The following KCNH5 variants were observed in gnomAD, a reference collection of about 807,000 sequenced individuals.
KCNH5 encodes the protein voltage-gated delayed rectifier potassium channel KCNH5.
KCNH5 carries 46 observed loss-of-function variants against 96.1 expected under a neutral mutation model. The ratio of observed to expected loss-of-function variants is 0.48; its 90% CI spans 0.38 to 0.61. KCNH5 has a LOEUF of 0.61. Ranked by LOEUF, KCNH5 falls within the 20% of genes least tolerant of loss-of-function variation. The pLI, the probability that KCNH5 is intolerant of heterozygous loss-of-function variation, is 0.00. For synonymous variants in KCNH5, 439 were observed against 449.8 expected, an observed-to-expected ratio of 0.98 and a Z score of 0.30; for missense variants, 907 against 1,225.8, an observed-to-expected ratio of 0.74 and a Z score of 3.88.
Position 62,700,716 on chromosome 14 carries a change from A to G in KCNH5, c.*6792T>C, listed in dbSNP as rs928348576. On this transcript the variant is annotated 3_prime_UTR_variant, in exon 11 of 11. Transcript: ENST00000322893. ...ATGAATCTTTGTTGTGATTTTGCAT[A>G]GTTTACTAGCTAGGTATTCTTCCTG... is the stretch of plus-strand genomic sequence containing the variant. 3.9e-5 allele frequency: 6 copies of G among 152,188 alleles called. No individual in the cohort carries two copies. Among genetic ancestry groups the G allele is most frequent in the Non-Finnish European group, 8.8e-5 (6 of 68,024 alleles). The allele number at this position is 152,188 out of a possible 1,614,324, so 9.4% of individuals were successfully genotyped here. A position where few individuals can be genotyped will look rare whatever the true frequency, so the allele number is the denominator to read the frequency against.
intron 9 of KCNH5, among the ~76,000 whole-genome samples, chr14:62,792,824 T>C (rs1886461109): frequency 2.0e-5 from 3 of 151,614 alleles, no homozygotes; most frequent in Admixed American, 6.6e-5. Flanking sequence ...GAAATCAAAA[T>C]CTCAAAGAGA....
chr14:62,849,571 A>G, intron 8 of KCNH5, 82 bp downstream of exon 8: 1 of 1,072,912 alleles, frequency 9.3e-7, no homozygotes, highest in South Asian at 1.3e-5. Flanking sequence ...CAATTATACA[A>G]GCAATACGTG....
chr14:62,857,898 T>C (rs562620436), intron 7 of KCNH5, among the ~76,000 whole-genome samples: 1 of 152,234 alleles, frequency 6.6e-6, no homozygotes, highest in South Asian at 2.1e-4. Flanking sequence ...TGAACCCATA[T>C]ACATCTCCTG....
intron 9 of KCNH5, among the ~76,000 whole-genome samples, chr14:62,782,954 A>AT (rs1318793481): frequency 6.6e-6 from 1 of 152,230 alleles, no homozygotes; most frequent in Non-Finnish European, 1.5e-5. Flanking sequence ...AATTATAGGC[A>AT]TTTATTCTAA....
At chr14:62,966,232 T>TG (rs1890303042) in intron 6 of KCNH5, among the ~76,000 whole-genome samples, 1 of 152,196 alleles carries the variant, frequency 6.6e-6, no homozygotes, top group African/African-American at 2.4e-5. Flanking sequence ...TCTGCAATAC[T>TG]GATCAACTAA....
At chr14:62,923,375 T>C (rs1889414646) in intron 7 of KCNH5, among the ~76,000 whole-genome samples, 1 of 151,930 alleles carries the variant, frequency 6.6e-6, no homozygotes, top group South Asian at 2.1e-4. Context: ...AGAATTAATA[T>C]TGTCAAAATA....
At chr14:63,008,036 T>TGATCG (rs1270509644) in intron 2 of KCNH5, among the ~76,000 whole-genome samples, 5 of 152,174 alleles carry the variant, frequency 3.3e-5, no homozygotes, top group African/African-American at 1.2e-4. Flanking sequence ...ACAGTTCTGC[T>TGATCG]GATCGGTATG....
At chr14:62,930,962 T>G (rs922958806) in intron 7 of KCNH5, among the ~76,000 whole-genome samples, 3 of 152,148 alleles carry the variant, frequency 2.0e-5, no homozygotes, top group Admixed American at 2.0e-4. Context: ...ACCTACATAA[T>G]GACACAGTGC....
intron 7 of KCNH5, among the ~76,000 whole-genome samples, chr14:62,948,253 G>C: frequency 6.6e-6 from 1 of 152,060 alleles, no homozygotes; most frequent in Non-Finnish European, 1.5e-5. Flanking sequence ...TTGGTTCCAA[G>C]TCTTTGCTAT....
chr14:62,743,545 C>A (rs1171974893), intron 10 of KCNH5, among the ~76,000 whole-genome samples: 1 of 151,954 alleles, frequency 6.6e-6, no homozygotes, highest in African/African-American at 2.4e-5. Context: ...AGAAGTCTAA[C>A]AACAGAACTG....
intron 4 of KCNH5, among the ~76,000 whole-genome samples, chr14:62,989,450 T>G (rs1315125084): frequency 6.6e-6 from 1 of 152,114 alleles, no homozygotes; most frequent in Non-Finnish European, 1.5e-5. Context: ...TACGCTGTTT[T>G]GTGTTTCCGT....
At chr14:62,995,562 C>T (rs1029281707) in intron 4 of KCNH5, among the ~76,000 whole-genome samples, 6 of 152,096 alleles carry the variant, frequency 3.9e-5, no homozygotes, top group African/African-American at 1.4e-4. Context: ...GATTAAAACA[C>T]AATATTATGC....
At chr14:62,816,566 T>C (rs913090083) in intron 8 of KCNH5, among the ~76,000 whole-genome samples, 1 of 151,988 alleles carries the variant, frequency 6.6e-6, no homozygotes, top group Non-Finnish European at 1.5e-5. Context: ...TCATTATAAG[T>C]AAAGTTTGCC....
At chr14:62,913,163 G>A (rs1180704209) in intron 7 of KCNH5, among the ~76,000 whole-genome samples, 4 of 152,010 alleles carry the variant, frequency 2.6e-5, no homozygotes, top group African/African-American at 4.8e-5. Flanking sequence ...TGTTGGCCTC[G>A]AATATAAAAT....
chr14:62,936,366 T>A (rs1034258266), intron 7 of KCNH5, among the ~76,000 whole-genome samples: 3 of 151,456 alleles, frequency 2.0e-5, no homozygotes, highest in Non-Finnish European at 4.4e-5. Context: ...GAGAGAGAGA[T>A]GGACAATGCA....
At chr14:63,026,840 T>A (rs925497611) in intron 1 of KCNH5, among the ~76,000 whole-genome samples, 2 of 152,208 alleles carry the variant, frequency 1.3e-5, no homozygotes, top group Admixed American at 6.5e-5. Flanking sequence ...GATTCAGCGA[T>A]TCCACGACTC....
chr14:62,791,768 T>C (rs1482743115), intron 9 of KCNH5, among the ~76,000 whole-genome samples: 2 of 151,672 alleles, frequency 1.3e-5, no homozygotes, highest in East Asian at 3.9e-4. Flanking sequence ...CATCAAAATA[T>C]ATAAAGCAAG....
At chr14:62,835,898 C>A (rs777783308) in intron 8 of KCNH5, among the ~76,000 whole-genome samples, 2 of 151,754 alleles carry the variant, frequency 1.3e-5, no homozygotes, top group Non-Finnish European at 2.9e-5. Flanking sequence ...TGAAATTCTT[C>A]CTCTGTACAT....
At position 62,993,614 on chromosome 14, in the gene KCNH5, C is replaced by T. The variant is rs188121787; in HGVS notation, c.434-6427G>A. Among the ~76,000 whole-genome samples, 298 of 152,056 alleles carry T rather than the reference C, an allele frequency of 2.0e-3. 3 individuals carry two copies. The highest frequency in any genetic ancestry group is 3.8e-3 in the Non-Finnish European group (256 of 67,928). The stretch of plus-strand genomic sequence containing the variant: ...TCACTAACAATGTCTTATACCAATC[C>T]CTTTGTGTTCCTGAACACATCTGGA... On this transcript the variant is annotated intron_variant, in intron 4 of 10. Coordinates refer to ENST00000322893, the MANE Select transcript of KCNH5 (RefSeq NM_139318.5).
Sources: gnomAD v4.1 joint callset for allele counts (sites outside exome capture counted in the v4.1 genomes callset) on GRCh38, gnomAD v4.1.1 for gene constraint, MANE v1.5 for transcripts, NCBI Gene and HGNC (gene_info 2026-07-23, HGNC 2026-07-21) for gene names.